ANO7: variants seen among roughly 807,000 people sequenced by gnomAD.
ANO7 encodes anoctamin 7, also known as anoctamin-7.
ANO7 carries 114 observed loss-of-function variants against 115.8 expected under a neutral mutation model. That is an observed-to-expected ratio of 0.98 (90% confidence interval 0.85 to 1.15). ANO7 has a LOEUF of 1.15. Among genes scored for constraint, ANO7 ranks in the 50% most tolerant of loss-of-function variants. The pLI is 0.00. For missense variants in ANO7, 1,302 were observed against 1,201.2 expected (o/e 1.08, Z -1.24); for synonymous variants, 550 against 498.2 (o/e 1.10, Z -1.38).
chr2:241,190,246 C>G (rs2068165528), intron 2 of ANO7, 75 bp downstream of exon 2: 1 of 1,322,090 alleles, frequency 7.6e-7, no homozygotes, highest in East Asian at 2.6e-5. Flanking sequence ...CACCCTGGGC[C>G]CAGAGCCTCT....
chr2:241,220,958 G>A (rs1466487969), intron 21 of ANO7, among the ~76,000 whole-genome samples: 1 of 150,832 alleles, frequency 6.6e-6, no homozygotes, highest in Non-Finnish European at 1.5e-5. Context: ...GCAACAGAAT[G>A]AGACGCTGTC....
chr2:241,205,043 G>A (rs2068558318), intron 10 of ANO7, 88 bp downstream of exon 10: 1 of 1,120,564 alleles, frequency 8.9e-7, no homozygotes. Flanking sequence ...GCTAGGTCCT[G>A]TGCAGACAGC....
chr2:241,198,938 G>A lies in ANO7; in HGVS notation c.310-378G>A, dbSNP rs1018324022. Among the ~76,000 whole-genome samples, 7 of 152,352 alleles carry A rather than the reference G, an allele frequency of 4.6e-5. No individual in the cohort carries two copies. The South Asian group carries it at 1.0e-3, about 23-fold the overall frequency. On this transcript the variant is annotated intron_variant, in intron 4 of 24. Transcript: ENST00000674324. ...GGTGACCGATCAAAGGTGAGGCGAC[G>A]TTCGATGTTGAAAACCAAAAGCTGG...
chr2:241,230,727 A>G, downstream of ANO7: 1 of 1,596,294 alleles, frequency 6.3e-7, no homozygotes, highest in Non-Finnish European at 8.6e-7. The surrounding 1 kb of genome is among the most constrained non-coding windows in gnomAD (Gnocchi z 5.0). Context: ...GTGAGAGAGG[A>G]TTCTCACCCA....
Position 241,224,191 on chromosome 2 carries a change from C to G in ANO7, c.*38C>G. 1 of 1,610,558 alleles carries G rather than the reference C, an allele frequency of 6.2e-7. No individual in the cohort carries two copies. Among genetic ancestry groups the G allele is most frequent in the Non-Finnish European group, 8.5e-7 (1 of 1,177,324 alleles). On this transcript the variant is annotated 3_prime_UTR_variant, in exon 25 of 25. Transcript: ENST00000674324. ...CATCTGGTGGTCCTTAGGGGAGTGG[C>G]CCCTCCTGAGCCCTGCGAGCAGCGT...
In ANO7 at chr2:241,205,551, G is replaced by A. The variant is rs1169316872; in HGVS notation, c.980+596G>A. 2.3e-5 allele frequency among the ~76,000 whole-genome samples: 3 copies of A among 132,462 alleles called. 1 individual carries two copies. The highest frequency in any genetic ancestry group is 8.7e-5 in the African/African-American group (3 of 34,490). 86.9% of individuals were successfully genotyped at this position (132,462 alleles called of 152,430 possible). A position where few individuals can be genotyped will look rare whatever the true frequency, so the allele number is the denominator to read the frequency against. On this transcript the variant is annotated intron_variant, in intron 10 of 24. Coordinates refer to ENST00000674324, the MANE Select transcript of ANO7 (RefSeq NM_001370694.2). ...GAGTGCTCCAAGGCTGACACAGGTG[G>A]ACAGGAGTGCTCCCAGTCTGACAGG... is the stretch of plus-strand genomic sequence containing the variant.
chr2:241,238,580 C>T, the ANO7 span: 24 of 1,257,092 alleles, frequency 1.9e-5, no homozygotes, highest in South Asian at 2.5e-4. This position sits in a 1 kb window ranked among gnomAD's most constrained non-coding sequence, Gnocchi z 4.9. Context: ...CCAGTATGTG[C>T]GACAGCCCCG....
chr2:241,236,859 T>C, the ANO7 span: 2 of 1,357,352 alleles, frequency 1.5e-6, no homozygotes, highest in Non-Finnish European at 1.0e-6. Context: ...AGGCACCTGC[T>C]GGGTGCTGGG....
chr2:241,218,483 G>A, intron 21 of ANO7, 102 bp downstream of exon 21: 2 of 1,093,174 alleles, frequency 1.8e-6, no homozygotes, highest in African/African-American at 1.7e-5. Context: ...CGGGAGGGGC[G>A]GGCGCCGCCG....
At chr2:241,238,574 T>C in the ANO7 span, 1 of 1,164,492 alleles carries the variant, frequency 8.6e-7, no homozygotes, top group Admixed American at 2.6e-5. The surrounding 1 kb of genome is among the most constrained non-coding windows in gnomAD (Gnocchi z 4.9). Flanking sequence ...GCCTCACCAG[T>C]ATGTGCGACA....
At chr2:241,228,479 T>G (rs1490551261), downstream of ANO7, 1 of 152,382 alleles carries the variant, frequency 6.6e-6, no homozygotes, top group Non-Finnish European at 1.5e-5. Flanking sequence ...CCGGATGGCC[T>G]GTGGGCGGGG....
At chr2:241,235,342 G>A in the ANO7 span, 2 of 1,570,400 alleles carry the variant, frequency 1.3e-6, no homozygotes, top group South Asian at 2.3e-5. Context: ...AGTGGTGAGA[G>A]GGAAGGCCAC....
chr2:241,236,765 G>A, the ANO7 span: 19 of 1,613,842 alleles, frequency 1.2e-5, no homozygotes, highest in Middle Eastern at 1.7e-4. Context: ...GCTCTGTACT[G>A]TGAACTAGAG....
chr2:241,188,704 C>G lies in ANO7; in HGVS notation c.-70C>G, dbSNP rs781683321. ...TGAGGACGGGACTCTACTGCCGAGA[C>G]CAGGCTCACGCTGAGAGGTGGGCCA... On this transcript the variant is annotated 5_prime_UTR_variant, in exon 1 of 25. Transcript: ENST00000674324. The surrounding 1 kb of genome is among the most constrained non-coding windows in gnomAD (Gnocchi z 4.3). 1 of 1,613,528 alleles carries G rather than the reference C, an allele frequency of 6.2e-7. No homozygotes were observed. The highest frequency in any genetic ancestry group is 8.5e-7 in the Non-Finnish European group (1 of 1,179,952).
At chr2:241,209,086 G>A (rs369614477) in intron 11 of ANO7, among the ~76,000 whole-genome samples, 199 bp from the exon 12 acceptor site, 46 of 152,304 alleles carry the variant, frequency 3.0e-4, no homozygotes, top group East Asian at 5.8e-4. Context: ...GAGGCGAAGC[G>A]TGCAGTGAGC....
intron 11 of ANO7, among the ~76,000 whole-genome samples, chr2:241,208,950 C>T (rs762042988): frequency 2.6e-5 from 4 of 152,068 alleles, no homozygotes; most frequent in Non-Finnish European, 5.9e-5. Context: ...AAGATCGAGA[C>T]CATCCTGGCT....
chr2:241,199,182 TAGG>T, intron 4 of ANO7, 131 bp from the exon 5 acceptor site: 1 of 780,576 alleles, frequency 1.3e-6, no homozygotes, highest in South Asian at 1.6e-5. Context: ...ATGTATCAAA[TAGG>T]AGATTCAAAG....
At chr2:241,217,603 T>TG in intron 19 of ANO7, 83 bp from the exon 20 acceptor site, 1 of 1,453,124 alleles carries the variant, frequency 6.9e-7, no homozygotes, top group Non-Finnish European at 9.3e-7. Context: ...CCACGTGGAC[T>TG]GGCCGGTCCT....
rs770672307 is a variant in ANO7 at position 241,203,312 on chromosome 2, C to T, written c.724-21C>T. ...GGGGTCAGCTGGGGGAGCCTCCCAC[C>T]CACAGGCCGCTCGCCCCCAGGGCCC... On this transcript the variant is annotated intron_variant, in intron 8 of 24. Coordinates refer to ENST00000674324, the MANE Select transcript of ANO7 (RefSeq NM_001370694.2). This position sits in a 1 kb window ranked among gnomAD's most constrained non-coding sequence, Gnocchi z 4.8. 6.6e-7 allele frequency: 1 copy of T among 1,505,862 alleles called. No homozygotes were observed. Among genetic ancestry groups the T allele is most frequent in the East Asian group, 2.4e-5 (1 of 41,042 alleles). 93.3% of individuals were successfully genotyped at this position (1,505,862 alleles called of 1,614,324 possible). A position where few individuals can be genotyped will look rare whatever the true frequency, so the allele number is the denominator to read the frequency against.
Sources: allele counts gnomAD v4.1 joint callset (sites outside exome capture counted in the v4.1 genomes callset), GRCh38; gene constraint gnomAD v4.1.1; non-coding constraint Gnocchi (gnomAD v3.1); transcripts MANE v1.5; gene names NCBI Gene and HGNC (gene_info 2026-07-23, HGNC 2026-07-21).